Variants in ADAMTS17 observed in about 807,000 individuals in gnomAD.
The protein encoded by ADAMTS17 is A disintegrin and metalloproteinase with thrombospondin motifs 17.
ADAMTS17 carries 113 observed loss-of-function variants against 141.5 expected under a neutral mutation model. The observed-to-expected ratio is 0.80, with a 90% confidence interval of 0.69 to 0.93. ADAMTS17 has a LOEUF of 0.93. ADAMTS17 is among the 40% of genes least tolerant of loss of function. ADAMTS17 has a pLI of 0.00. For missense variants in ADAMTS17, 1,659 were observed against 1,517.9 expected (o/e 1.09, Z -1.54); for synonymous variants, 768 against 630.6 (o/e 1.22, Z -3.27).
chr15:100,047,482 C>T (rs564245247), intron 18 of ADAMTS17, among the ~76,000 whole-genome samples: 1 of 151,726 alleles, frequency 6.6e-6, no homozygotes, highest in Non-Finnish European at 1.5e-5. Flanking sequence ...CCCGGATGCC[C>T]AGCTTTAAAA....
At chr15:100,339,148 AG>A (rs1319513604) in intron 2 of ADAMTS17, 2 of 985,412 alleles carry the variant, frequency 2.0e-6, no homozygotes, top group African/African-American at 1.7e-5. Flanking sequence ...CCTGTTGGCC[AG>A]GTTCCTTTAT....
At chr15:100,172,579 T>C (rs2040200235) in intron 8 of ADAMTS17, among the ~76,000 whole-genome samples, 1 of 152,158 alleles carries the variant, frequency 6.6e-6, no homozygotes, top group African/African-American at 2.4e-5. Context: ...CTGACCTAAG[T>C]CACCTTTAGT....
intron 3 of ADAMTS17, among the ~76,000 whole-genome samples, chr15:100,328,303 A>G (rs2045952889): frequency 6.6e-6 from 1 of 152,202 alleles, no homozygotes; most frequent in Non-Finnish European, 1.5e-5. Flanking sequence ...GATAGGGCCT[A>G]ACTGACTGCT....
At chr15:100,094,970 C>T (rs12593853) in intron 15 of ADAMTS17, among the ~76,000 whole-genome samples, 21,848 of 152,278 alleles carry the variant, frequency 0.14, 2,136 homozygotes, top group East Asian at 0.49. Context: ...TGCTGCCCAA[C>T]ACAGGAGCCG....
rs141398059 is a variant in ADAMTS17 at position 100,046,723 on chromosome 15, T to C, written c.2591+2134A>G. ...ACTTCCCCAATCAATACCCTTGTGA[T>C]TTCCTATGCCTGTCTTTACTTTAAT... On this transcript the variant is annotated intron_variant, in intron 18 of 21. Coordinates refer to ENST00000268070, the MANE Select transcript of ADAMTS17 (RefSeq NM_139057.4). 2.3e-3 allele frequency among the ~76,000 whole-genome samples: 347 copies of C among 152,334 alleles called. 4 individuals carry two copies. The East Asian group carries it at 0.038, about 17-fold the overall frequency.
chr15:100,185,782 T>C (rs1201025535), intron 8 of ADAMTS17, among the ~76,000 whole-genome samples: 1 of 152,174 alleles, frequency 6.6e-6, no homozygotes, highest in Non-Finnish European at 1.5e-5. Context: ...GTTTCCTTCA[T>C]CATCCCCTTC....
chr15:100,099,848 T>C (rs548543802), intron 14 of ADAMTS17, among the ~76,000 whole-genome samples: 14 of 152,344 alleles, frequency 9.2e-5, no homozygotes, highest in African/African-American at 3.1e-4. Flanking sequence ...AAAGCTTTAG[T>C]GCTCAGATCC....
intron 18 of ADAMTS17, among the ~76,000 whole-genome samples, chr15:100,009,016 T>G (rs940319516): frequency 6.6e-6 from 1 of 152,072 alleles, no homozygotes. Flanking sequence ...ATTTTTTGAT[T>G]TTCTGTAGAG....
At chr15:100,050,512 G>A (rs2032057414) in intron 17 of ADAMTS17, among the ~76,000 whole-genome samples, 1 of 152,234 alleles carries the variant, frequency 6.6e-6, no homozygotes, top group Non-Finnish European at 1.5e-5. Context: ...GGCTGTTGCA[G>A]GAATAGGCTA....
intron 7 of ADAMTS17, among the ~76,000 whole-genome samples, chr15:100,240,564 C>G (rs1307557916): frequency 6.6e-6 from 1 of 152,168 alleles, no homozygotes. Flanking sequence ...ACCCCAGACC[C>G]TCATCAGTCC....
chr15:100,319,359 C>A (rs758251065), intron 3 of ADAMTS17, among the ~76,000 whole-genome samples: 1 of 152,200 alleles, frequency 6.6e-6, no homozygotes, highest in Admixed American at 6.5e-5. Flanking sequence ...AGAATTTGAG[C>A]TCACGGTATA....
In ADAMTS17 at chr15:100,048,931, G is replaced by A. The variant is rs750422781; in HGVS notation, c.2517C>T (p.Asn839=). Residue 839 remains asparagine, a synonymous_variant, in exon 18 of 22, where the codon AAC becomes AAT. Transcript: ENST00000268070. ...GGCTTGCTTGAGGGCAGTCACTGTC[G>A]TTCACCAGAGTTGTGGTCTTGTTGA... The part of the protein sequence containing the change: ...RIVNKTTTLV[N]DSDCPQASRP... The A allele has an allele frequency of 2.4e-5, 39 of 1,614,148 alleles. No homozygotes were observed. The highest frequency in any genetic ancestry group is 8.9e-5 in the East Asian group (4 of 44,872).
rs574728895 is a variant in ADAMTS17, at chr15:99,973,790, C to A, written c.*612G>T. On this transcript the variant is annotated 3_prime_UTR_variant, in exon 22 of 22. Coordinates refer to ENST00000268070, the MANE Select transcript of ADAMTS17 (RefSeq NM_139057.4). ...CTGGCATATATAGATTTACACTCCACGCACGAGACTTCCAAGGCAACACCT... is the reference window on the plus strand; with the variant it reads ...CTGGCATATATAGATTTACACTCCAAGCACGAGACTTCCAAGGCAACACCT... The A allele has an allele frequency of 1.3e-4, 24 of 183,200 alleles. No homozygotes were observed. In the East Asian group the frequency reaches 2.1e-3, roughly 16 times the overall value. The allele number at this position is 183,200 out of a possible 1,614,324, so 11.3% of individuals were successfully genotyped here. A position where few individuals can be genotyped will look rare whatever the true frequency, so the allele number is the denominator to read the frequency against.
chr15:100,072,478 G>T, intron 15 of ADAMTS17, among the ~76,000 whole-genome samples: 1 of 151,552 alleles, frequency 6.6e-6, no homozygotes, highest in East Asian at 1.9e-4. Flanking sequence ...AACAAAGCTG[G>T]AGGCATCACG....
chr15:100,065,998 A>T (rs1309597552), intron 15 of ADAMTS17, among the ~76,000 whole-genome samples: 2 of 152,098 alleles, frequency 1.3e-5, no homozygotes, highest in African/African-American at 2.4e-5. Context: ...TTTTTGTGTT[A>T]GTTTGCTGAA....
In ADAMTS17 at chr15:100,330,871, G is replaced by C; in HGVS notation, c.616+18C>G. Reference sequence around the variant, plus strand: ...TGTGCGTGTGTTCTAAGCTGGTCATGCTGCTGCCCCGACTCACCTGTTAGA... The same window carrying C: ...TGTGCGTGTGTTCTAAGCTGGTCATCCTGCTGCCCCGACTCACCTGTTAGA... On this transcript the variant is annotated intron_variant, in intron 3 of 21. Transcript: ENST00000268070. 2 of 1,613,664 alleles carry C rather than the reference G, an allele frequency of 1.2e-6. No individual in the cohort carries two copies. Among genetic ancestry groups the C allele is most frequent in the Non-Finnish European group, 1.7e-6 (2 of 1,179,610 alleles).
At chr15:100,146,817 G>A (rs948436645) in intron 10 of ADAMTS17, among the ~76,000 whole-genome samples, 2 of 55,766 alleles carry the variant, frequency 3.6e-5, no homozygotes, top group Non-Finnish European at 9.6e-5. Context: ...GTCTCTTATG[G>A]TCGAGACTGC....
intron 3 of ADAMTS17, among the ~76,000 whole-genome samples, chr15:100,284,031 G>A (rs186886006): frequency 6.6e-6 from 1 of 152,234 alleles, no homozygotes; most frequent in Non-Finnish European, 1.5e-5. Flanking sequence ...CTTGAACCTG[G>A]GTAGCAGAGG....
At chr15:100,223,668 C>T (rs1438162707) in intron 7 of ADAMTS17, among the ~76,000 whole-genome samples, 1 of 150,960 alleles carries the variant, frequency 6.6e-6, no homozygotes, top group Non-Finnish European at 1.5e-5. Flanking sequence ...CACACACCCA[C>T]AGACACACAC....
Sources: allele counts gnomAD v4.1 joint callset (sites outside exome capture counted in the v4.1 genomes callset), GRCh38; gene constraint gnomAD v4.1.1; transcripts MANE v1.5; gene names NCBI Gene and HGNC (gene_info 2026-07-23, HGNC 2026-07-21).